Variants in MAPK10 observed in about 807,000 individuals in gnomAD.
MAPK10 encodes the protein mitogen-activated protein kinase 10, also known as JNK3 alpha protein kinase.
Under a neutral mutation model 59.3 loss-of-function variants are expected in MAPK10, and 25 were observed. The ratio of observed to expected loss-of-function variants is 0.42; its 90% CI spans 0.31 to 0.59. The LOEUF is 0.59. MAPK10 is among the 20% of genes least tolerant of loss of function. The pLI is 0.15. For missense variants in MAPK10, 351 were observed against 568.9 expected (o/e 0.62, Z 3.90); for synonymous variants, 190 against 200.5 (o/e 0.95, Z 0.44).
At chr4:86,290,781 C>A (rs1032506894) in intron 2 of MAPK10, among the ~76,000 whole-genome samples, 1 of 152,108 alleles carries the variant, frequency 6.6e-6, no homozygotes, top group Non-Finnish European at 1.5e-5. Context: ...ATAAAGTTGA[C>A]CTTTTTCCTT....
intron 1 of MAPK10, among the ~76,000 whole-genome samples, chr4:86,400,252 T>C (rs748510221): frequency 1.1e-4 from 16 of 152,196 alleles, no homozygotes; most frequent in South Asian, 2.1e-4. Context: ...TTTTTTCTCT[T>C]AATTACTGAG....
chr4:86,393,238 T>C (rs540554663), intron 1 of MAPK10, among the ~76,000 whole-genome samples: 3 of 152,314 alleles, frequency 2.0e-5, no homozygotes, highest in South Asian at 4.1e-4. Flanking sequence ...ATATCCAGTA[T>C]AGCATGTTGA....
At chr4:86,588,088 G>A (rs899508856) in intron 1 of MAPK10, among the ~76,000 whole-genome samples, 2 of 152,102 alleles carry the variant, frequency 1.3e-5, no homozygotes, top group African/African-American at 4.8e-5. Flanking sequence ...CACATACCTG[G>A]AATACAGTCT....
intron 1 of MAPK10, among the ~76,000 whole-genome samples, chr4:86,372,246 C>T (rs1738877738): frequency 6.6e-6 from 1 of 152,078 alleles, no homozygotes; most frequent in East Asian, 1.9e-4. Flanking sequence ...AGGGCAGGCA[C>T]AGTGGCTCAC....
chr4:86,423,084 T>TA (rs1187844137), intron 1 of MAPK10, among the ~76,000 whole-genome samples: 2 of 152,198 alleles, frequency 1.3e-5, no homozygotes, highest in Non-Finnish European at 2.9e-5. Context: ...ATATTCCCTT[T>TA]ATGATATTTA....
chr4:86,021,423 G>A (rs1414348761), intron 13 of MAPK10, among the ~76,000 whole-genome samples: 3 of 151,990 alleles, frequency 2.0e-5, no homozygotes, highest in African/African-American at 2.4e-5. Flanking sequence ...ACAGAGTGTC[G>A]ATTGGTGCAC....
intron 4 of MAPK10, among the ~76,000 whole-genome samples, chr4:86,133,029 C>T (rs2061292932): frequency 1.3e-5 from 2 of 152,140 alleles, no homozygotes; most frequent in South Asian, 4.1e-4. Flanking sequence ...GAAATCGGTC[C>T]CTGGTGCCAA....
chr4:86,134,995 C>T (rs2061667279), intron 4 of MAPK10, among the ~76,000 whole-genome samples: 2 of 152,196 alleles, frequency 1.3e-5, no homozygotes, highest in Admixed American at 6.5e-5. Flanking sequence ...AAAAACGGCG[C>T]ACCACGAGAT....
In MAPK10 at chr4:86,300,107, G is replaced by T. The variant is rs560515558; in HGVS notation, c.-7+54423C>A. 3.2e-3 allele frequency among the ~76,000 whole-genome samples: 483 copies of T among 152,106 alleles called. 2 individuals are homozygous for T. The highest frequency in any genetic ancestry group is 0.011 in the African/African-American group (457 of 41,488). On this transcript the variant is annotated intron_variant, in intron 2 of 13. Transcript: ENST00000641462. ...AGGGTTTCACCATGTTGTCCAGGCTGGTCTCGAACTCCTGACCTCAAGTGA... is the reference window on the plus strand; with the variant it reads ...AGGGTTTCACCATGTTGTCCAGGCTTGTCTCGAACTCCTGACCTCAAGTGA...
At chr4:86,152,971 A>ATAT (rs2066847442) in intron 4 of MAPK10, among the ~76,000 whole-genome samples, 2 of 152,188 alleles carry the variant, frequency 1.3e-5, no homozygotes, top group Non-Finnish European at 2.9e-5. Flanking sequence ...ATGGTGCTAG[A>ATAT]TTAACTTGTT....
At chr4:86,060,982 T>A (rs900636595) in intron 11 of MAPK10, among the ~76,000 whole-genome samples, 1 of 152,060 alleles carries the variant, frequency 6.6e-6, no homozygotes, top group Non-Finnish European at 1.5e-5. Flanking sequence ...ATAATAGTAA[T>A]AGTAATTATA....
rs187589298 is a variant in MAPK10 at position 86,344,067 on chromosome 4, C to T, written c.-7+10463G>A. Among the ~76,000 whole-genome samples, 577 of 152,262 alleles carry T rather than the reference C, an allele frequency of 3.8e-3. 3 individuals carry two copies. Among genetic ancestry groups the T allele is most frequent in the African/African-American group, 0.013 (547 of 41,556 alleles). ...ATATAAAGGGATCATGAGACTAAAA[C>T]ATTTGAGAATTACTGCCTGAGGGCA... On this transcript the variant is annotated intron_variant, in intron 2 of 13. Coordinates refer to ENST00000641462, the MANE Select transcript of MAPK10 (RefSeq NM_138982.4).
At chr4:86,407,327 A>G (rs1744482788) in intron 1 of MAPK10, among the ~76,000 whole-genome samples, 2 of 152,246 alleles carry the variant, frequency 1.3e-5, no homozygotes. Flanking sequence ...GAAGATGGGC[A>G]GAGGAAATAC....
chr4:86,206,635 G>T (rs1025667384), intron 2 of MAPK10, among the ~76,000 whole-genome samples: 36 of 152,280 alleles, frequency 2.4e-4, no homozygotes, highest in Middle Eastern at 3.4e-3. Flanking sequence ...ACTTCCACAA[G>T]GGTTGAACTA....
At chr4:86,377,746 A>C (rs1452297662) in intron 1 of MAPK10, among the ~76,000 whole-genome samples, 1 of 152,156 alleles carries the variant, frequency 6.6e-6, no homozygotes, top group Non-Finnish European at 1.5e-5. Flanking sequence ...CAGAGCAGCT[A>C]TATTAGTCAG....
intron 11 of MAPK10, 26 bp from the exon 12 acceptor site, chr4:86,031,457 C>G: frequency 6.5e-7 from 1 of 1,544,592 alleles, no homozygotes; most frequent in Non-Finnish European, 8.9e-7. Context: ...AAAAAATAAT[C>G]TTTGTGTGAT....
chr4:86,071,870 T>C (rs1430415161), intron 9 of MAPK10, among the ~76,000 whole-genome samples: 3 of 146,134 alleles, frequency 2.1e-5, no homozygotes, highest in Non-Finnish European at 1.5e-5. Flanking sequence ...GACTTGGCAA[T>C]GCGGGCTCTT....
intron 1 of MAPK10, among the ~76,000 whole-genome samples, chr4:86,573,973 T>C (rs1761666042): frequency 1.3e-5 from 2 of 152,200 alleles, no homozygotes; most frequent in South Asian, 2.1e-4. Flanking sequence ...GTTACATATG[T>C]ATACAGGTGC....
At chr4:86,346,269 G>A (rs1185735200) in intron 2 of MAPK10, among the ~76,000 whole-genome samples, 1 of 152,124 alleles carries the variant, frequency 6.6e-6, no homozygotes, top group African/African-American at 2.4e-5. Context: ...AACCCCGGAG[G>A]ATACCAAAAT....
Sources: allele counts gnomAD v4.1 joint callset (sites outside exome capture counted in the v4.1 genomes callset), GRCh38; gene constraint gnomAD v4.1.1; transcripts MANE v1.5; gene names NCBI Gene and HGNC (gene_info 2026-07-23, HGNC 2026-07-21).